Variants in CLSTN2 observed in about 807,000 individuals in gnomAD.
CLSTN2 encodes the protein calsyntenin-2.
Under a neutral mutation model 101.2 loss-of-function variants are expected in CLSTN2, and 48 were observed. The ratio of observed to expected loss-of-function variants is 0.47; its 90% confidence interval spans 0.38 to 0.60. The LOEUF (loss-of-function observed/expected upper bound fraction) is 0.60. Ranked by LOEUF, CLSTN2 falls within the 20% of genes least tolerant of loss-of-function variation. The probability of loss-of-function intolerance (pLI) is 0.00; values close to 1 mark genes in which losing one functional copy is unlikely to be tolerated. For missense variants in CLSTN2, 1,160 were observed against 1,238.2 expected, an observed-to-expected ratio of 0.94 and a Z score of 0.95; for synonymous variants, 481 against 463.6, an observed-to-expected ratio of 1.04 and a Z score of -0.48.
At position 140,463,334 on chromosome 3, in the gene CLSTN2, G is replaced by T. The variant is rs373523766; in HGVS notation, c.1223-3276G>T. The stretch of plus-strand genomic sequence containing the variant: ...GCCACTTCCCTACAGGGCTTTCTAA[G>T]AGAGAGGGGCCAACCTTGTTCAGCA... On this transcript the variant is annotated intron_variant, in intron 7 of 16. Coordinates refer to ENST00000458420, the MANE Select transcript of CLSTN2 (RefSeq NM_022131.3). Among the ~76,000 whole-genome samples the T allele has an allele frequency of 3.3e-5, 5 of 152,338 alleles. No homozygotes were observed. In the East Asian group the frequency reaches 7.7e-4, roughly 23 times the overall value.
chr3:140,076,625 G>GTGTTT (rs1236822684), intron 1 of CLSTN2, among the ~76,000 whole-genome samples: 1 of 38,062 alleles, frequency 2.6e-5, no homozygotes, highest in Admixed American at 4.3e-4. Context: ...CACCAGCAGT[G>GTGTTT]TTTTTTTTTT....
At chr3:140,176,412 T>C (rs1225394562) in intron 2 of CLSTN2, among the ~76,000 whole-genome samples, 1 of 152,162 alleles carries the variant, frequency 6.6e-6, no homozygotes, top group South Asian at 2.1e-4. Context: ...AGAAGACCTA[T>C]TGGCCGACTA....
intron 2 of CLSTN2, among the ~76,000 whole-genome samples, chr3:140,261,596 A>G (rs373034878): frequency 6.6e-6 from 1 of 151,350 alleles, no homozygotes; most frequent in Admixed American, 6.6e-5. Context: ...TGCTACGTGT[A>G]CTTGCTGCTA....
intron 8 of CLSTN2, among the ~76,000 whole-genome samples, chr3:140,518,899 C>T (rs1934973145): frequency 6.6e-6 from 1 of 152,086 alleles, no homozygotes; most frequent in Non-Finnish European, 1.5e-5. Flanking sequence ...TTTGTTTGCT[C>T]CTGGTTCTTC....
intron 1 of CLSTN2, among the ~76,000 whole-genome samples, chr3:139,999,369 G>A (rs2006767272): frequency 6.6e-6 from 1 of 151,728 alleles, no homozygotes; most frequent in Non-Finnish European, 1.5e-5. Flanking sequence ...TTGGTTTTTA[G>A]TTTGAGTGTA....
chr3:140,193,594 T>C (rs1444070848), intron 2 of CLSTN2, among the ~76,000 whole-genome samples: 1 of 152,022 alleles, frequency 6.6e-6, no homozygotes, highest in Admixed American at 6.6e-5. Flanking sequence ...TTATTTTCAG[T>C]TTAATTGTGA....
chr3:140,355,100 A>G (rs539148115), intron 2 of CLSTN2, among the ~76,000 whole-genome samples: 1 of 152,242 alleles, frequency 6.6e-6, no homozygotes, highest in Non-Finnish European at 1.5e-5. Flanking sequence ...TCAGAAGACC[A>G]GATGAGCAGT....
intron 1 of CLSTN2, among the ~76,000 whole-genome samples, chr3:139,952,245 A>T (rs1293129548): frequency 6.6e-6 from 1 of 152,208 alleles, no homozygotes; most frequent in Non-Finnish European, 1.5e-5. Context: ...TGACATTCTG[A>T]TTCTAAAATC....
chr3:140,422,182 T>C (rs576128390), intron 5 of CLSTN2, among the ~76,000 whole-genome samples: 47 of 74,594 alleles, frequency 6.3e-4, no homozygotes, highest in African/African-American at 2.7e-3. Flanking sequence ...ATATTTTCTC[T>C]CTTTCTTTCT....
intron 1 of CLSTN2, among the ~76,000 whole-genome samples, chr3:140,107,150 C>A (rs908877517): frequency 2.0e-5 from 3 of 152,154 alleles, no homozygotes; most frequent in Non-Finnish European, 4.4e-5. Flanking sequence ...TCTACAGAGC[C>A]CACAGGGAGC....
chr3:140,432,580 C>A (rs537525390), intron 5 of CLSTN2, among the ~76,000 whole-genome samples: 6 of 152,292 alleles, frequency 3.9e-5, no homozygotes, highest in Admixed American at 3.9e-4. Context: ...GAATAACGAC[C>A]TGTTTTGACA....
intron 1 of CLSTN2, among the ~76,000 whole-genome samples, chr3:139,988,589 G>C (rs1936067131): frequency 6.6e-6 from 1 of 152,206 alleles, no homozygotes. Context: ...GAAGTAAACA[G>C]ACATCTGGAG....
intron 1 of CLSTN2, among the ~76,000 whole-genome samples, chr3:140,132,093 T>C (rs2009532182): frequency 6.6e-6 from 1 of 152,212 alleles, no homozygotes; most frequent in East Asian, 1.9e-4. Context: ...TTCTGATAGA[T>C]AGCTCACATG....
intron 4 of CLSTN2, among the ~76,000 whole-genome samples, chr3:140,407,385 T>C (rs532093145): frequency 9.2e-5 from 14 of 152,016 alleles, no homozygotes; most frequent in Admixed American, 6.6e-5. Context: ...GAAGACACAA[T>C]GTGGAGTCAA....
chr3:140,291,882 G>A (rs1251223821), intron 2 of CLSTN2, among the ~76,000 whole-genome samples: 3 of 151,754 alleles, frequency 2.0e-5, no homozygotes, highest in East Asian at 3.9e-4. Flanking sequence ...ACCAGCTGCC[G>A]CTTGAAAACT....
intron 5 of CLSTN2, among the ~76,000 whole-genome samples, chr3:140,424,470 C>T (rs549109403): frequency 6.6e-6 from 1 of 152,334 alleles, no homozygotes; most frequent in African/African-American, 2.4e-5. Flanking sequence ...CATCTTGGGG[C>T]CTATTCTCTC....
intron 1 of CLSTN2, among the ~76,000 whole-genome samples, chr3:140,100,207 C>T (rs557078951): frequency 4.0e-5 from 6 of 151,562 alleles, no homozygotes; most frequent in South Asian, 4.2e-4. Flanking sequence ...AAGTCCTAAC[C>T]GTCTATTTAT....
chr3:139,982,762 T>C (rs1179240610), intron 1 of CLSTN2, among the ~76,000 whole-genome samples: 1 of 152,098 alleles, frequency 6.6e-6, no homozygotes, highest in Admixed American at 6.6e-5. Context: ...CTGAATAGAA[T>C]AGAGAAAAAT....
chr3:140,329,998 G>C (rs2087367109), intron 2 of CLSTN2, among the ~76,000 whole-genome samples: 1 of 152,216 alleles, frequency 6.6e-6, no homozygotes. Flanking sequence ...CACCTTTATT[G>C]TTTAGGGCTG....
Sources: allele counts gnomAD v4.1 joint callset (sites outside exome capture counted in the v4.1 genomes callset), GRCh38; gene constraint gnomAD v4.1.1; transcripts MANE v1.5; gene names NCBI Gene and HGNC (gene_info 2026-07-23, HGNC 2026-07-21).